Variants in MAP7 observed in about 807,000 individuals in gnomAD.
MAP7 encodes the protein microtubule associated protein 7, also known as ensconsin.
Under a neutral mutation model 94.8 loss-of-function variants are expected in MAP7, and 52 were observed. The ratio of observed to expected loss-of-function variants is 0.55; its 90% CI spans 0.44 to 0.69. The LOEUF (loss-of-function observed/expected upper bound fraction) is 0.69, where lower values mean the gene tolerates loss of function less well. MAP7 is among the 30% of genes least tolerant of loss of function. The pLI, the probability that MAP7 is intolerant of heterozygous loss-of-function variation, is 0.00. For synonymous variants in MAP7, 350 were observed against 357.0 expected, an observed-to-expected ratio of 0.98 and a Z score of 0.22; for missense variants, 940 against 964.6, an observed-to-expected ratio of 0.97 and a Z score of 0.34.
At chr6:136,459,818 T>C (rs531434052) in intron 1 of MAP7, among the ~76,000 whole-genome samples, 12 of 152,140 alleles carry the variant, frequency 7.9e-5, no homozygotes, top group Non-Finnish European at 1.3e-4. Flanking sequence ...GTTCTAGAGA[T>C]AGGATGTACA....
rs554207947 is a variant in MAP7 at position 136,411,999 on chromosome 6, C to G, written c.167-302G>C. Among the ~76,000 whole-genome samples, 4 of 152,240 alleles carry G rather than the reference C, an allele frequency of 2.6e-5. No homozygotes were observed. The East Asian group carries it at 7.7e-4, about 29-fold the overall frequency. On this transcript the variant is annotated intron_variant, in intron 2 of 17. Coordinates refer to ENST00000354570, the MANE Select transcript of MAP7 (RefSeq NM_003980.6). ...TTTGTGTTCCTAAGCTACCAAACTT[C>G]TATTATTTTTATGCTTTAAAAAGTC...
intron 1 of MAP7, among the ~76,000 whole-genome samples, chr6:136,536,041 C>T (rs981732270): frequency 6.6e-6 from 1 of 152,130 alleles, no homozygotes; most frequent in Admixed American, 6.5e-5. Context: ...ATGATGGTTT[C>T]CAGCTTCATC....
At chr6:136,418,925 A>T (rs1040357442) in intron 2 of MAP7, among the ~76,000 whole-genome samples, 2 of 152,116 alleles carry the variant, frequency 1.3e-5, no homozygotes, top group East Asian at 3.9e-4. Flanking sequence ...CTAAATCAAG[A>T]GCCTTTTATA....
intron 3 of MAP7, among the ~76,000 whole-genome samples, chr6:136,393,413 A>G (rs866920255): frequency 6.6e-6 from 1 of 152,180 alleles, no homozygotes; most frequent in Non-Finnish European, 1.5e-5. Context: ...CGCAGATTCC[A>G]GAGCTCCACC....
At chr6:136,429,030 G>A (rs951068598) in intron 1 of MAP7, among the ~76,000 whole-genome samples, 2 of 151,702 alleles carry the variant, frequency 1.3e-5, no homozygotes, top group African/African-American at 4.8e-5. Context: ...TTTTATTTCT[G>A]GACTTTTGTC....
intron 1 of MAP7, among the ~76,000 whole-genome samples, chr6:136,447,125 C>T (rs1582938301): frequency 6.6e-6 from 1 of 152,200 alleles, no homozygotes; most frequent in African/African-American, 2.4e-5. Context: ...ACAGCAACCT[C>T]TACTGAGGTT....
chr6:136,546,456 ATGAG>A (rs1829747630), intron 1 of MAP7, among the ~76,000 whole-genome samples: 1 of 152,082 alleles, frequency 6.6e-6, no homozygotes, highest in African/African-American at 2.4e-5. Flanking sequence ...GATCCTACAA[ATGAG>A]TGAGAAGATG....
At chr6:136,501,346 C>G (rs1348402197) in intron 1 of MAP7, among the ~76,000 whole-genome samples, 1 of 152,174 alleles carries the variant, frequency 6.6e-6, no homozygotes, top group African/African-American at 2.4e-5. Context: ...GGCCTGGAGT[C>G]AGAGGGGCCT....
At chr6:136,495,209 G>A (rs1817823376) in intron 1 of MAP7, among the ~76,000 whole-genome samples, 1 of 152,118 alleles carries the variant, frequency 6.6e-6, no homozygotes. Flanking sequence ...AAGAAGAGGA[G>A]AAAGACCTTA....
intron 1 of MAP7, among the ~76,000 whole-genome samples, chr6:136,507,900 T>G (rs1437750914): frequency 1.3e-5 from 2 of 152,242 alleles, no homozygotes; most frequent in East Asian, 3.8e-4. Flanking sequence ...CTACACCGTA[T>G]GGCCTCCAAG....
At chr6:136,501,821 A>G (rs1178911639) in intron 1 of MAP7, among the ~76,000 whole-genome samples, 31 of 152,152 alleles carry the variant, frequency 2.0e-4, no homozygotes, top group Admixed American at 2.0e-3. Flanking sequence ...TTAAGTTCCC[A>G]TCACAAATTT....
intron 15 of MAP7, among the ~76,000 whole-genome samples, chr6:136,358,986 G>T (rs1378635738): frequency 6.6e-6 from 1 of 152,166 alleles, no homozygotes; most frequent in African/African-American, 2.4e-5. Flanking sequence ...GCACATAGAA[G>T]AGCTTCAAAA....
At chr6:136,381,665 T>C (rs1777771956) in intron 6 of MAP7, among the ~76,000 whole-genome samples, 1 of 152,024 alleles carries the variant, frequency 6.6e-6, no homozygotes, top group East Asian at 1.9e-4. Flanking sequence ...AGGAACTGAT[T>C]GACAGTTCTT....
intron 3 of MAP7, among the ~76,000 whole-genome samples, chr6:136,400,099 A>C (rs1207676496): frequency 2.0e-5 from 3 of 151,722 alleles, no homozygotes; most frequent in Admixed American, 6.6e-5. Flanking sequence ...TCCTACAAAA[A>C]AGTTTTTTTT....
intron 1 of MAP7, among the ~76,000 whole-genome samples, chr6:136,447,975 A>G (rs896834005): frequency 1.2e-4 from 19 of 152,114 alleles, no homozygotes; most frequent in African/African-American, 3.1e-4. Context: ...GCAGATCACG[A>G]GGTCAGGAGT....
chr6:136,505,298 T>TATAC (rs1344895705), intron 1 of MAP7, among the ~76,000 whole-genome samples: 1 of 135,834 alleles, frequency 7.4e-6, no homozygotes, highest in African/African-American at 2.8e-5. Flanking sequence ...TATATATATA[T>TATAC]ATATATATAT....
At chr6:136,393,461 G>A (rs1279567418) in intron 3 of MAP7, among the ~76,000 whole-genome samples, 4 of 152,070 alleles carry the variant, frequency 2.6e-5, no homozygotes, top group Non-Finnish European at 4.4e-5. Context: ...GATGAGGCCC[G>A]GTAACTTGAT....
chr6:136,417,680 C>G (rs1415482792), intron 2 of MAP7, among the ~76,000 whole-genome samples: 1 of 152,064 alleles, frequency 6.6e-6, no homozygotes, highest in East Asian at 1.9e-4. Flanking sequence ...ATGAAGACAG[C>G]ACGGATATGT....
intron 1 of MAP7, among the ~76,000 whole-genome samples, chr6:136,432,146 A>G (rs903247042): frequency 6.6e-6 from 1 of 152,156 alleles, no homozygotes; most frequent in African/African-American, 2.4e-5. Flanking sequence ...TAGGTTAGAG[A>G]AAAGAAAATC....
Sources: allele counts gnomAD v4.1 joint callset (sites outside exome capture counted in the v4.1 genomes callset), GRCh38; gene constraint gnomAD v4.1.1; transcripts MANE v1.5; gene names NCBI Gene and HGNC (gene_info 2026-07-23, HGNC 2026-07-21).